Variants in BMP1 observed in about 807,000 individuals in gnomAD.
BMP1 encodes mammalian tolloid protein.
A neutral mutation model predicts 116.8 loss-of-function variants in BMP1; 63 were observed. That is an observed-to-expected ratio of 0.54 (90% CI 0.44 to 0.67). The LOEUF (loss-of-function observed/expected upper bound fraction) is 0.67. BMP1 is among the 30% of genes least tolerant of loss of function. The pLI is 0.00. For missense variants in BMP1, 1,183 were observed against 1,358.9 expected (o/e 0.87, Z 2.04); for synonymous variants, 536 against 533.4 (o/e 1.00, Z -0.07).
Position 22,193,686 on chromosome 8 carries a change from A to T in BMP1, c.1181-372A>T, listed in dbSNP as rs1326074840. Among the ~76,000 whole-genome samples, 14 of 152,366 alleles carry T rather than the reference A, an allele frequency of 9.2e-5. No individual in the cohort carries two copies. In the East Asian group the frequency reaches 2.5e-3, roughly 27 times the overall value. The stretch of plus-strand genomic sequence containing the variant: ...GTAGCCCCGGCTACTTGGGAGGCTG[A>T]GGCAGGAGAATTGCTTGAACCCAGG... On this transcript the variant is annotated intron_variant, in intron 9 of 19. Coordinates refer to ENST00000306385, the MANE Select transcript of BMP1 (RefSeq NM_006129.5).
intron 13 of BMP1, 123 bp downstream of exon 13, chr8:22,195,710 A>T (rs1225000139): frequency 2.1e-5 from 29 of 1,380,172 alleles, no homozygotes; most frequent in Non-Finnish European, 2.6e-5. Flanking sequence ...ACAGTGGCTC[A>T]ATCTTAGCTC....
At chr8:22,185,828 C>CTTTTTTTTTTTTTTT (rs71204540) in intron 8 of BMP1, among the ~76,000 whole-genome samples, 1 of 80,956 alleles carries the variant, frequency 1.2e-5, no homozygotes, top group African/African-American at 5.3e-5. Context: ...CACTGTCTTT[C>CTTTTTTTTTTTTTTT]TTTTTTTTTT....
intron 2 of BMP1, among the ~76,000 whole-genome samples, chr8:22,175,088 C>A (rs568630471): frequency 6.6e-6 from 1 of 152,288 alleles, no homozygotes; most frequent in East Asian, 1.9e-4. Context: ...GGCCTGCTAA[C>A]AAGTAAGGCT....
chr8:22,176,936 C>T, intron 4 of BMP1, 25 bp from the exon 5 acceptor site: 2 of 1,590,180 alleles, frequency 1.3e-6, no homozygotes, highest in Non-Finnish European at 1.7e-6. Context: ...CGGGACCGCC[C>T]CCCTGAGCTG....
chr8:22,181,642 G>T (rs1037815052), intron 8 of BMP1, among the ~76,000 whole-genome samples: 1 of 150,490 alleles, frequency 6.6e-6, no homozygotes, highest in Non-Finnish European at 1.5e-5. Context: ...AACCTCTGCC[G>T]CCCAGGGTCA....
At chr8:22,202,029 C>T in intron 16 of BMP1, 101 bp downstream of exon 16, 1 of 1,461,398 alleles carries the variant, frequency 6.8e-7, no homozygotes, top group Non-Finnish European at 9.1e-7. Context: ...GATTCTGGGG[C>T]CTGTATGATC....
At chr8:22,178,349 G>T (rs1031247903) in intron 6 of BMP1, among the ~76,000 whole-genome samples, 2 of 152,204 alleles carry the variant, frequency 1.3e-5, no homozygotes, top group Non-Finnish European at 2.9e-5. Flanking sequence ...GAGTGCAGTG[G>T]CACAGTCATG....
At chr8:22,210,662 A>C (rs1380580197) in intron 19 of BMP1, among the ~76,000 whole-genome samples, 1 of 152,184 alleles carries the variant, frequency 6.6e-6, no homozygotes, top group African/African-American at 2.4e-5. Flanking sequence ...CCCCAGGAGC[A>C]GAGCTTCAGC....
At chr8:22,193,514 T>C (rs945230850) in intron 9 of BMP1, among the ~76,000 whole-genome samples, 1 of 152,250 alleles carries the variant, frequency 6.6e-6, no homozygotes, top group Non-Finnish European at 1.5e-5. Flanking sequence ...CCAGGCACGG[T>C]GGCTCACACC....
chr8:22,172,036 G>A (rs972717565), intron 1 of BMP1, among the ~76,000 whole-genome samples: 1 of 152,200 alleles, frequency 6.6e-6, no homozygotes, highest in African/African-American at 2.4e-5. Context: ...CTAACCTTGG[G>A]TGTCTGATTC....
intron 18 of BMP1, 125 bp from the exon 19 acceptor site, chr8:22,209,320 A>G: frequency 7.5e-6 from 11 of 1,469,324 alleles, no homozygotes; most frequent in Non-Finnish European, 1.0e-5. Context: ...CCACCCACCC[A>G]TCACTGGCCT....
chr8:22,202,002 C>G (rs956732349), intron 16 of BMP1, 74 bp downstream of exon 16: 3 of 1,527,168 alleles, frequency 2.0e-6, no homozygotes, highest in Non-Finnish European at 2.6e-6. Context: ...AGGATCATCT[C>G]CATCAGCCTC....
At chr8:22,165,800 T>A (rs1425011262) in intron 1 of BMP1, among the ~76,000 whole-genome samples, 1 of 151,970 alleles carries the variant, frequency 6.6e-6, no homozygotes, top group Non-Finnish European at 1.5e-5. Context: ...CCAGAGGAAG[T>A]CTCCTTGCGT....
chr8:22,196,940 A>T, intron 14 of BMP1, 100 bp downstream of exon 14: 7 of 1,394,424 alleles, frequency 5.0e-6, no homozygotes, highest in Non-Finnish European at 6.7e-6. Context: ...GCCCGGCAGA[A>T]ACACTCTGCA....
rs1315922517 is a variant in BMP1 at position 22,176,216 on chromosome 8, G to C, written c.336G>C (p.Trp112Cys). ...GQPQRGACGR[W>C]RGRSRSRRAA... is the part of the protein sequence containing the mutation. ...CTCAGAGGGGAGCCTGTGGGAGATGGAGAGGTAGATCCCGTAGCCGGCGGG... is the reference window on the plus strand; with the variant it reads ...CTCAGAGGGGAGCCTGTGGGAGATGCAGAGGTAGATCCCGTAGCCGGCGGG... Residue 112 changes from tryptophan (W) to cysteine (C), a missense_variant, in exon 3 of 20, where the codon TGG (tryptophan) becomes TGC (cysteine). Transcript: ENST00000306385. The C allele has an allele frequency of 1.9e-6, 3 of 1,614,056 alleles. No individual in the cohort carries two copies. The highest frequency in any genetic ancestry group is 2.5e-6 in the Non-Finnish European group (3 of 1,180,036).
At chr8:22,187,729 A>G (rs1828817487) in intron 8 of BMP1, among the ~76,000 whole-genome samples, 1 of 152,040 alleles carries the variant, frequency 6.6e-6, no homozygotes, top group African/African-American at 2.4e-5. Flanking sequence ...CCAGGATTCT[A>G]GTCTGAGCCA....
Position 22,196,702 on chromosome 8 carries a change from C to G in BMP1, c.1788C>G (p.Thr596=). 6.2e-7 allele frequency: 1 copy of G among 1,614,114 alleles called. No individual in the cohort carries two copies. The highest frequency in any genetic ancestry group is 1.7e-4 in the Middle Eastern group (1 of 6,060). Residue 596 remains threonine (T), a synonymous_variant, in exon 14 of 20, where the codon ACC becomes ACG. Coordinates refer to ENST00000306385, the MANE Select transcript of BMP1 (RefSeq NM_006129.5). Reference sequence around the variant, plus strand: ...CAGCTGCTTGTGGCGGATTCCTCACCAAGCTCAACGGCTCCATCACCAGCC... The same window carrying G: ...CAGCTGCTTGTGGCGGATTCCTCACGAAGCTCAACGGCTCCATCACCAGCC... The part of the protein sequence containing the change: ...RCEAACGGFL[T]KLNGSITSPG...
chr8:22,201,729 C>T (rs1829267219), intron 15 of BMP1, 74 bp from the exon 16 acceptor site: 9 of 1,590,476 alleles, frequency 5.7e-6, no homozygotes, highest in South Asian at 5.6e-5. Context: ...CCAGCCAGGC[C>T]TCCACTTCCC....
At position 22,194,971 on chromosome 8, in the gene BMP1, CCTT is replaced by C. The variant is rs1229893503; in HGVS notation, c.1639+57_1639+59del. On this transcript the variant is annotated intron_variant, in intron 12 of 19. Transcript: ENST00000306385. The surrounding 1 kb of genome is among the most constrained non-coding windows in gnomAD (Gnocchi z 4.5). Reference sequence around the variant, plus strand: ...CCCAAGGTGCCTCGTGACCTTCATCCCTTCTTCACTCACTCATTCAACACGGAG... The same window carrying C: ...CCCAAGGTGCCTCGTGACCTTCATCCCTTCACTCACTCATTCAACACGGAG... 31 of 1,515,198 alleles carry C rather than the reference CCTT, an allele frequency of 2.0e-5. No homozygotes were observed. The highest frequency in any genetic ancestry group is 2.8e-5 in the Non-Finnish European group (31 of 1,117,954). The allele number at this position is 1,515,198 out of a possible 1,614,324, so 93.9% of individuals were successfully genotyped here.
Sources: allele counts gnomAD v4.1 joint callset (sites outside exome capture counted in the v4.1 genomes callset), GRCh38; gene constraint gnomAD v4.1.1; non-coding constraint Gnocchi (gnomAD v3.1); transcripts MANE v1.5; gene names NCBI Gene and HGNC (gene_info 2026-07-23, HGNC 2026-07-21).